The following CCDC144A variants were observed in gnomAD, a reference collection of about 807,000 sequenced individuals.
CCDC144A encodes the protein coiled-coil domain-containing protein 144A.
CCDC144A carries 41 observed loss-of-function variants against 143.8 expected under a neutral mutation model. The ratio of observed to expected loss-of-function variants is 0.29; its 90% CI spans 0.22 to 0.37. CCDC144A has a LOEUF of 0.37. Ranked by LOEUF, CCDC144A falls within the 10% of genes least tolerant of loss-of-function variation. The pLI, the probability that CCDC144A is intolerant of heterozygous loss-of-function variation, is 1.00. For missense variants in CCDC144A, 637 were observed against 1,488.8 expected (o/e 0.43, Z 9.41); for synonymous variants, 242 against 517.9 (o/e 0.47, Z 7.23).
intron 15 of CCDC144A, among the ~76,000 whole-genome samples, chr17:16,767,593 AT>A (rs1394302292): frequency 2.2e-4 from 33 of 152,282 alleles, no homozygotes; most frequent in Admixed American, 5.2e-4. Flanking sequence ...TTTAGCTACG[AT>A]TTTCAAAAGC....
intron 2 of CCDC144A, among the ~76,000 whole-genome samples, chr17:16,695,123 G>C (rs1490886220): frequency 1.3e-5 from 2 of 151,934 alleles, no homozygotes; most frequent in Non-Finnish European, 2.9e-5. Context: ...ACATAGTTTT[G>C]GTCTTTGAGG....
intron 12 of CCDC144A, chr17:16,746,001 T>A: frequency 6.2e-7 from 1 of 1,611,486 alleles, no homozygotes; most frequent in Non-Finnish European, 8.5e-7. Context: ...TTCAGATTCT[T>A]GTTCTTGAGA....
At position 16,719,609 on chromosome 17, in the gene CCDC144A, G is replaced by A. The variant is rs1364494899; in HGVS notation, c.1716-589G>A. Among the ~76,000 whole-genome samples, 12 of 152,176 alleles carry A rather than the reference G, an allele frequency of 7.9e-5. 1 individual carries two copies. The East Asian group carries it at 2.3e-3, about 29-fold the overall frequency. ...CTGAGGACAGTCACTTGGCCCTTCT[G>A]TGCCTATTTTCTTTCTTTATAAAAT... On this transcript the variant is annotated intron_variant, in intron 6 of 16. Coordinates refer to ENST00000399273, the MANE Select transcript of CCDC144A (RefSeq NM_001382000.1).
At chr17:16,729,989 T>TATATATATATAC (rs1567597673) in intron 9 of CCDC144A, among the ~76,000 whole-genome samples, 1 of 121,160 alleles carries the variant, frequency 8.3e-6, no homozygotes, top group African/African-American at 3.0e-5. Context: ...TATATATATA[T>TATATATATATAC]ATACACACAT....
At chr17:16,730,271 C>T (rs1160585929) in intron 9 of CCDC144A, among the ~76,000 whole-genome samples, 2 of 111,056 alleles carry the variant, frequency 1.8e-5, no homozygotes, top group Non-Finnish European at 3.5e-5. Flanking sequence ...TGTCTTTGTA[C>T]GCTTTGTGAA....
At chr17:16,686,925 G>C (rs1459200787), upstream of CCDC144A, among the ~76,000 whole-genome samples, 2 of 152,082 alleles carry the variant, frequency 1.3e-5, no homozygotes, top group Non-Finnish European at 2.9e-5. Flanking sequence ...ATCCGCTGGC[G>C]TGTGGAGGTG....
the CCDC144A span, among the ~76,000 whole-genome samples, chr17:16,682,455 G>C: frequency 6.6e-6 from 1 of 152,098 alleles, no homozygotes; most frequent in South Asian, 2.1e-4. Flanking sequence ...ACGGTGCTGG[G>C]TGTAGTCTAG....
chr17:16,773,170 C>T (rs1168521961), intron 16 of CCDC144A, among the ~76,000 whole-genome samples: 11 of 151,888 alleles, frequency 7.2e-5, no homozygotes, highest in African/African-American at 2.7e-4. Flanking sequence ...ATTCTTTGGC[C>T]AGGCATGTTG....
chr17:16,733,470 C>G (rs906763579), intron 11 of CCDC144A, among the ~76,000 whole-genome samples: 7 of 149,780 alleles, frequency 4.7e-5, no homozygotes, highest in Admixed American at 4.0e-4. Flanking sequence ...GGCCACTGCC[C>G]TCCAGCCTGG....
intron 12 of CCDC144A, among the ~76,000 whole-genome samples, chr17:16,747,910 T>G (rs573983805): frequency 6.6e-6 from 1 of 152,318 alleles, no homozygotes; most frequent in Admixed American, 6.5e-5. Context: ...TGCCTTTTCT[T>G]TCTTTCTTTT....
chr17:16,708,066 T>C (rs1429496140), intron 4 of CCDC144A, among the ~76,000 whole-genome samples: 1 of 152,152 alleles, frequency 6.6e-6, no homozygotes, highest in Non-Finnish European at 1.5e-5. Flanking sequence ...AAGGGAATCA[T>C]ACCTTGCAGA....
chr17:16,734,762 C>T lies in CCDC144A; in HGVS notation c.2491C>T (p.Leu831=), dbSNP rs1380407157. 1.3e-6 allele frequency: 2 copies of T among 1,586,254 alleles called. No individual in the cohort carries two copies. The highest frequency in any genetic ancestry group is 1.4e-5 in the African/African-American group (1 of 73,484). ...CATGTTGCAGGAAGAAATTGCCTTG[C>T]TGAGACTGGAAATAGATACAATAAA... ...DCMLQEEIAL[L]RLEIDTIKNQ... Residue 831 remains leucine, a synonymous_variant, in exon 12 of 17, where the codon CTG becomes TTG. Transcript: ENST00000399273.
intron 2 of CCDC144A, among the ~76,000 whole-genome samples, chr17:16,699,414 C>T (rs1389668465): frequency 6.8e-6 from 1 of 146,620 alleles, no homozygotes; most frequent in Non-Finnish European, 1.5e-5. Context: ...CTCGCTCTTC[C>T]ACCCAGGCGG....
upstream of CCDC144A, chr17:16,689,593 G>A (rs1032058118): frequency 2.0e-5 from 3 of 152,366 alleles, no homozygotes; most frequent in Admixed American, 6.5e-5. Flanking sequence ...CGACCCGCCC[G>A]GGTCGCCAGC....
chr17:16,671,482 T>C, the CCDC144A span, among the ~76,000 whole-genome samples: 1 of 152,070 alleles, frequency 6.6e-6, no homozygotes, highest in Non-Finnish European at 1.5e-5. Context: ...TTAGTAGTAC[T>C]TTCTCTTTAA....
At chr17:16,748,509 C>G (rs1914641602) in intron 12 of CCDC144A, among the ~76,000 whole-genome samples, 1 of 152,076 alleles carries the variant, frequency 6.6e-6, no homozygotes, top group Non-Finnish European at 1.5e-5. Context: ...TTATTGAAGA[C>G]TTTGGTGTCT....
chr17:16,767,632 G>A (rs2143398880), intron 15 of CCDC144A, among the ~76,000 whole-genome samples: 1 of 152,294 alleles, frequency 6.6e-6, no homozygotes, highest in South Asian at 2.1e-4. Context: ...ACTAATATTG[G>A]ATCTGTTTAT....
intron 9 of CCDC144A, among the ~76,000 whole-genome samples, chr17:16,729,991 T>TATATATATATACAC (rs1491438660): frequency 1.3e-3 from 149 of 114,860 alleles, no homozygotes; most frequent in African/African-American, 4.8e-3. Context: ...TATATATATA[T>TATATATATATACAC]ACACACATAC....
intron 12 of CCDC144A, among the ~76,000 whole-genome samples, chr17:16,739,959 C>T (rs2621550): frequency 0.033 from 4,866 of 145,928 alleles, 296 homozygotes; most frequent in African/African-American, 0.13. Flanking sequence ...GTCAGGCTTA[C>T]GAAGACAGAT....
Sources: gnomAD v4.1 joint callset for allele counts (sites outside exome capture counted in the v4.1 genomes callset) on GRCh38, gnomAD v4.1.1 for gene constraint, MANE v1.5 for transcripts, NCBI Gene and HGNC (gene_info 2026-07-23, HGNC 2026-07-21) for gene names.